Variants in MYT1L observed in about 807,000 individuals in gnomAD.
MYT1L encodes the protein myelin transcription factor 1 like.
MYT1L carries 12 observed loss-of-function variants against 126.7 expected under a neutral mutation model. The ratio of observed to expected loss-of-function variants is 0.09; its 90% CI spans 0.06 to 0.15. The LOEUF (loss-of-function observed/expected upper bound fraction) is 0.15, where lower values mean the gene tolerates loss of function less well. Among genes scored for constraint, MYT1L ranks in the 10% least tolerant of loss-of-function variants. The pLI, the probability that MYT1L is intolerant of heterozygous loss-of-function variation, is 1.00. For missense variants in MYT1L, 979 were observed against 1,585.2 expected, an observed-to-expected ratio of 0.62 and a Z score of 6.49; for synonymous variants, 541 against 604.2, an observed-to-expected ratio of 0.90 and a Z score of 1.53.
chr2:1,794,751 G>C (rs558161587), intron 23 of MYT1L, among the ~76,000 whole-genome samples: 77 of 152,338 alleles, frequency 5.1e-4, no homozygotes, highest in African/African-American at 1.6e-3. Context: ...ACCCGGGTCT[G>C]TGGCTGGGAT....
In MYT1L at chr2:2,031,478, G is replaced by A. The variant is rs148624968; in HGVS notation, c.-158+22500C>T. On this transcript the variant is annotated intron_variant, in intron 4 of 24. Transcript: ENST00000647738. ...ACCCCTCGCCAGTGCCTCTCATCCT[G>A]TGGCCCAAAGCAGATTCTAGAAGGA... Among the ~76,000 whole-genome samples the A allele has an allele frequency of 2.4e-3, 339 of 143,408 alleles. 4 individuals carry two copies. Among genetic ancestry groups the A allele is most frequent in the African/African-American group, 8.6e-3 (328 of 37,964 alleles). The allele number at this position is 143,408 out of a possible 152,430, so 94.1% of individuals were successfully genotyped here.
chr2:2,124,509 T>C (rs1264217465), intron 3 of MYT1L, among the ~76,000 whole-genome samples: 8 of 152,180 alleles, frequency 5.3e-5, no homozygotes, highest in African/African-American at 1.9e-4. Context: ...TTGCCCAGGC[T>C]GGTCTCGAAC....
intron 3 of MYT1L, among the ~76,000 whole-genome samples, chr2:2,157,501 A>C (rs73913231): frequency 0.01 from 1,585 of 152,306 alleles, 29 homozygotes; most frequent in African/African-American, 0.031. Context: ...TCAATGGTTA[A>C]TATTTTAATT....
chr2:2,261,999 A>G (rs1272096788), intron 2 of MYT1L, among the ~76,000 whole-genome samples: 4 of 152,242 alleles, frequency 2.6e-5, no homozygotes, highest in African/African-American at 9.6e-5. Flanking sequence ...GATAAAATGA[A>G]CCCAACTCAA....
chr2:2,069,024 C>T (rs2074263209), intron 3 of MYT1L, among the ~76,000 whole-genome samples: 1 of 151,794 alleles, frequency 6.6e-6, no homozygotes, highest in South Asian at 2.1e-4. Flanking sequence ...CAGAGTAAAA[C>T]TTTTAGAAAA....
chr2:2,288,574 T>C (rs1037137797), intron 1 of MYT1L, among the ~76,000 whole-genome samples: 2 of 152,250 alleles, frequency 1.3e-5, no homozygotes, highest in Non-Finnish European at 2.9e-5. Context: ...TTGATCATTA[T>C]GTATTGATTG....
At chr2:2,068,181 G>A (rs2074106177) in intron 3 of MYT1L, among the ~76,000 whole-genome samples, 1 of 152,152 alleles carries the variant, frequency 6.6e-6, no homozygotes, top group Non-Finnish European at 1.5e-5. Flanking sequence ...AGACACTTTA[G>A]AAGCCACCCA....
chr2:1,871,486 CAT>C (rs1218966116), intron 18 of MYT1L, among the ~76,000 whole-genome samples: 1 of 152,242 alleles, frequency 6.6e-6, no homozygotes, highest in Non-Finnish European at 1.5e-5. Flanking sequence ...TGGGACCCCA[CAT>C]GAGTCCAGTG....
At chr2:1,924,374 T>A (rs1466813734) in intron 9 of MYT1L, among the ~76,000 whole-genome samples, 1 of 152,220 alleles carries the variant, frequency 6.6e-6, no homozygotes, top group Non-Finnish European at 1.5e-5. Context: ...TAGATTTGGT[T>A]AACTGCATGC....
At chr2:1,856,890 A>G (rs527780656) in intron 18 of MYT1L, among the ~76,000 whole-genome samples, 126 of 152,334 alleles carry the variant, frequency 8.3e-4, no homozygotes, top group African/African-American at 3.0e-3. Flanking sequence ...AGAGGCCAGG[A>G]AAGAGCCCAC....
At chr2:2,125,919 G>A (rs567793525) in intron 3 of MYT1L, among the ~76,000 whole-genome samples, 45 of 152,304 alleles carry the variant, frequency 3.0e-4, no homozygotes, top group African/African-American at 8.7e-4. Flanking sequence ...CGCAATGCAA[G>A]AATCAAAAGT....
At position 2,044,546 on chromosome 2, in the gene MYT1L, G is replaced by C. The variant is rs575757605; in HGVS notation, c.-158+9432C>G. 4.6e-5 allele frequency among the ~76,000 whole-genome samples: 7 copies of C among 152,332 alleles called. No individual in the cohort carries two copies. In the East Asian group the frequency reaches 7.7e-4, roughly 17 times the overall value. On this transcript the variant is annotated intron_variant, in intron 4 of 24. Transcript: ENST00000647738. ...GCAACGGGCTTTTGAAAATGCTAGA[G>C]TCTCTCCTCTTAGATGCAGCCTGAG... is the stretch of plus-strand genomic sequence containing the variant.
At chr2:1,866,002 G>T (rs2045409379) in intron 18 of MYT1L, among the ~76,000 whole-genome samples, 2 of 152,186 alleles carry the variant, frequency 1.3e-5, no homozygotes, top group Admixed American at 1.3e-4. Flanking sequence ...AGAGGCACTG[G>T]GTTTAGCCTC....
intron 18 of MYT1L, among the ~76,000 whole-genome samples, chr2:1,884,850 G>A (rs921644693): frequency 2.6e-5 from 4 of 152,208 alleles, no homozygotes; most frequent in African/African-American, 4.8e-5. Flanking sequence ...AGAGCTAACC[G>A]GCTCCCTCGG....
intron 2 of MYT1L, among the ~76,000 whole-genome samples, chr2:2,221,622 C>T (rs563504815): frequency 4.6e-5 from 7 of 152,124 alleles, no homozygotes; most frequent in African/African-American, 1.2e-4. Flanking sequence ...CCTTGCACAG[C>T]GGGAGACGCC....
chr2:2,164,087 T>C (rs1176978763), intron 3 of MYT1L, among the ~76,000 whole-genome samples: 1 of 152,148 alleles, frequency 6.6e-6, no homozygotes, highest in Non-Finnish European at 1.5e-5. Context: ...TAAACAGAAA[T>C]AGTGTACGTA....
chr2:2,233,419 G>C (rs991330726), intron 2 of MYT1L, among the ~76,000 whole-genome samples: 3 of 152,184 alleles, frequency 2.0e-5, no homozygotes, highest in Non-Finnish European at 4.4e-5. Context: ...TGATGCTAAA[G>C]AGCTGATGTA....
intron 8 of MYT1L, among the ~76,000 whole-genome samples, chr2:1,976,684 A>G (rs1156245966): frequency 6.6e-6 from 1 of 152,224 alleles, no homozygotes; most frequent in African/African-American, 2.4e-5. Context: ...AAATTTCCAA[A>G]TTTAAAACAG....
intron 18 of MYT1L, chr2:1,886,156 A>G (rs1298640306): frequency 6.2e-6 from 1 of 162,046 alleles, no homozygotes; most frequent in African/African-American, 2.4e-5. Flanking sequence ...TTAAGTATCC[A>G]TATTGTAAAT....
Sources: gnomAD v4.1 joint callset for allele counts (sites outside exome capture counted in the v4.1 genomes callset) on GRCh38, gnomAD v4.1.1 for gene constraint, MANE v1.5 for transcripts, NCBI Gene and HGNC (gene_info 2026-07-23, HGNC 2026-07-21) for gene names.